TTLL7: variants seen among roughly 807,000 people sequenced by gnomAD.
TTLL7 encodes tubulin polyglutamylase TTLL7.
A neutral mutation model predicts 120.2 loss-of-function variants in TTLL7; 53 were observed. The ratio of observed to expected loss-of-function variants is 0.44; its 90% CI spans 0.35 to 0.55. TTLL7 has a LOEUF of 0.55. Ranked by LOEUF, TTLL7 falls within the 20% of genes least tolerant of loss-of-function variation. The probability of loss-of-function intolerance (pLI) is 0.00; values close to 1 mark genes in which losing one functional copy is unlikely to be tolerated. For missense variants in TTLL7, 803 were observed against 1,054.7 expected, an observed-to-expected ratio of 0.76 and a Z score of 3.31; for synonymous variants, 353 against 351.7, an observed-to-expected ratio of 1.00 and a Z score of -0.04.
intron 20 of TTLL7, among the ~76,000 whole-genome samples, chr1:83,876,342 T>C (rs185434965): frequency 2.6e-5 from 4 of 152,042 alleles, no homozygotes; most frequent in African/African-American, 9.6e-5. Context: ...ATTGTAAGTC[T>C]TGAGACACTG....
chr1:83,905,635 A>G (rs1571137742), intron 17 of TTLL7, among the ~76,000 whole-genome samples: 2 of 151,654 alleles, frequency 1.3e-5, no homozygotes, highest in African/African-American at 4.8e-5. Flanking sequence ...CCCCCAAAAA[A>G]CAAGGTTCTA....
intron 18 of TTLL7, among the ~76,000 whole-genome samples, chr1:83,899,411 C>G (rs1251349270): frequency 6.6e-6 from 1 of 151,892 alleles, no homozygotes; most frequent in East Asian, 1.9e-4. Flanking sequence ...CTTTCACAGC[C>G]TAGGAGTAGC....
At chr1:83,898,643 T>A (rs1454637901) in intron 18 of TTLL7, among the ~76,000 whole-genome samples, 6 of 151,626 alleles carry the variant, frequency 4.0e-5, no homozygotes, top group African/African-American at 1.5e-4. Flanking sequence ...CAAAAAAAAA[T>A]AATTCAGTCA....
chr1:83,893,088 G>T (rs1655914855), intron 18 of TTLL7, among the ~76,000 whole-genome samples: 1 of 151,622 alleles, frequency 6.6e-6, no homozygotes, highest in Non-Finnish European at 1.5e-5. Flanking sequence ...GGGATGGAAG[G>T]GAATCATTTG....
rs1652895537 is a variant in TTLL7 at position 83,866,073 on chromosome 1, T to G, written c.*3889A>C. 6.6e-6 allele frequency: 1 copy of G among 151,922 alleles called. No homozygotes were observed. Among genetic ancestry groups the G allele is most frequent in the Admixed American group, 6.6e-5 (1 of 15,266 alleles). The allele number at this position is 151,922 out of a possible 1,614,324, so 9.4% of individuals were successfully genotyped here. ...AAGAACACAATTAATTGTACAGTTA[T>G]ACATTTTATTTAACCCCTATGACCA... is the stretch of plus-strand genomic sequence containing the variant. On this transcript the variant is annotated 3_prime_UTR_variant, in exon 21 of 21. Coordinates refer to ENST00000260505, the MANE Select transcript of TTLL7 (RefSeq NM_024686.6).
intron 1 of TTLL7, among the ~76,000 whole-genome samples, chr1:83,986,592 C>T (rs1287797649): frequency 6.6e-6 from 1 of 152,204 alleles, no homozygotes; most frequent in Non-Finnish European, 1.5e-5. Context: ...CGCCTGTAAT[C>T]CCAGCTCTTT....
chr1:83,989,958 G>GT (rs1008466842), intron 1 of TTLL7, among the ~76,000 whole-genome samples: 35 of 152,206 alleles, frequency 2.3e-4, no homozygotes, highest in African/African-American at 8.2e-4. Flanking sequence ...TGTGGCTACT[G>GT]TAAGTGGGAT....
At position 83,886,547 on chromosome 1, in the gene TTLL7, G is replaced by C. The variant is rs139164726; in HGVS notation, c.2370-3411C>G. Among the ~76,000 whole-genome samples, 3 of 152,064 alleles carry C rather than the reference G, an allele frequency of 2.0e-5. No individual in the cohort carries two copies. In the East Asian group the frequency reaches 5.8e-4, roughly 30 times the overall value. The stretch of plus-strand genomic sequence containing the variant: ...TACCTTTTCAAGTAGGCATAATCCA[G>C]CCTAGAAATAGACTACGCCTTAGAA... On this transcript the variant is annotated intron_variant, in intron 19 of 20. Coordinates refer to ENST00000260505, the MANE Select transcript of TTLL7 (RefSeq NM_024686.6).
At chr1:83,971,107 AAC>A (rs1188980261) in intron 1 of TTLL7, among the ~76,000 whole-genome samples, 1 of 152,090 alleles carries the variant, frequency 6.6e-6, no homozygotes, top group African/African-American at 2.4e-5. Flanking sequence ...TGCAGATACT[AAC>A]ACACAGTTGG....
chr1:83,989,119 T>C (rs1174095750), intron 1 of TTLL7, among the ~76,000 whole-genome samples: 1 of 152,212 alleles, frequency 6.6e-6, no homozygotes, highest in African/African-American at 2.4e-5. Flanking sequence ...TTTTCTCCCA[T>C]TCTGTAGGTT....
At chr1:83,904,596 C>T (rs1428398523) in intron 17 of TTLL7, among the ~76,000 whole-genome samples, 2 of 152,074 alleles carry the variant, frequency 1.3e-5, no homozygotes, top group Non-Finnish European at 2.9e-5. Context: ...GATTATACCA[C>T]TGCACTCCAG....
rs1652929234 is a variant in TTLL7, at chr1:83,866,565, A to C, written c.*3397T>G. On this transcript the variant is annotated 3_prime_UTR_variant, in exon 21 of 21. Transcript: ENST00000260505. ...AGTTTTAGGGAGAAAGAAATAGTTG[A>C]AACTGTTTGTATATTTAGAAATAAT... 1 of 151,864 alleles carries C rather than the reference A, an allele frequency of 6.6e-6. No individual in the cohort carries two copies. Among genetic ancestry groups the C allele is most frequent in the Non-Finnish European group, 1.5e-5 (1 of 67,788 alleles). 9.4% of individuals were successfully genotyped at this position (151,864 alleles called of 1,614,324 possible).
chr1:83,871,255 T>G (rs1444560844), intron 20 of TTLL7, among the ~76,000 whole-genome samples: 1 of 152,034 alleles, frequency 6.6e-6, no homozygotes, highest in Non-Finnish European at 1.5e-5. Context: ...GAGTTATGTT[T>G]TGTTTTCAAC....
chr1:83,969,301 A>G (rs1200541746), intron 1 of TTLL7, among the ~76,000 whole-genome samples: 1 of 151,964 alleles, frequency 6.6e-6, no homozygotes, highest in African/African-American at 2.4e-5. Context: ...TCTCAATTAT[A>G]TTGATTCCAA....
chr1:83,970,012 A>C (rs1002625796), intron 1 of TTLL7, among the ~76,000 whole-genome samples: 1 of 152,006 alleles, frequency 6.6e-6, no homozygotes, highest in Non-Finnish European at 1.5e-5. Context: ...CACATGTCAC[A>C]ATTTGTTTTT....
chr1:83,920,991 A>T, intron 12 of TTLL7, 96 bp downstream of exon 12: 4 of 1,322,590 alleles, frequency 3.0e-6, no homozygotes, highest in Non-Finnish European at 4.2e-6. Flanking sequence ...GAATGAAAGA[A>T]AAATGCTTAA....
rs577337114 is a variant in TTLL7 at position 83,990,199 on chromosome 1, C to T, written c.-177+8732G>A. On this transcript the variant is annotated intron_variant, in intron 1 of 20. Coordinates refer to ENST00000260505, the MANE Select transcript of TTLL7 (RefSeq NM_024686.6). ...TTTTTTTTTTTTTGAGACGGAGTCT[C>T]GCTCTGTCGCCCAGGCCGGACTGCG... Among the ~76,000 whole-genome samples, 549 of 129,820 alleles carry T rather than the reference C, an allele frequency of 4.2e-3. 6 individuals carry two copies. The highest frequency in any genetic ancestry group is 0.015 in the African/African-American group (522 of 34,500). The allele number at this position is 129,820 out of a possible 152,430, so 85.2% of individuals were successfully genotyped here.
intron 1 of TTLL7, among the ~76,000 whole-genome samples, chr1:83,973,503 C>T (rs1158184402): frequency 6.6e-6 from 1 of 152,024 alleles, no homozygotes; most frequent in Non-Finnish European, 1.5e-5. Flanking sequence ...TGGGTAGTGT[C>T]TGTCCTCCAA....
At chr1:83,893,010 A>C (rs1455103016) in intron 18 of TTLL7, among the ~76,000 whole-genome samples, 1 of 151,042 alleles carries the variant, frequency 6.6e-6, no homozygotes, top group Non-Finnish European at 1.5e-5. Flanking sequence ...AGGAGAGGAG[A>C]GGAGAGATGA....
Sources: gnomAD v4.1 joint callset for allele counts (sites outside exome capture counted in the v4.1 genomes callset) on GRCh38, gnomAD v4.1.1 for gene constraint, MANE v1.5 for transcripts, NCBI Gene and HGNC (gene_info 2026-07-23, HGNC 2026-07-21) for gene names.